Variants in USP37 observed in about 807,000 individuals in gnomAD.
USP37 encodes the protein ubiquitin carboxyl-terminal hydrolase 37.
USP37 carries 27 observed loss-of-function variants against 124.0 expected under a neutral mutation model. The observed-to-expected ratio is 0.22, with a 90% CI of 0.16 to 0.30. The LOEUF (loss-of-function observed/expected upper bound fraction) is 0.30, where lower values mean the gene tolerates loss of function less well. Ranked by LOEUF, USP37 falls within the 10% of genes least tolerant of loss-of-function variation. The probability of loss-of-function intolerance (pLI) is 1.00; values close to 1 mark genes in which losing one functional copy is unlikely to be tolerated. For synonymous variants in USP37, 365 were observed against 388.0 expected, an observed-to-expected ratio of 0.94 and a Z score of 0.70; for missense variants, 889 against 1,140.4, an observed-to-expected ratio of 0.78 and a Z score of 3.17.
intron 23 of USP37, among the ~76,000 whole-genome samples, chr2:218,458,890 G>A (rs565427579): frequency 2.6e-5 from 4 of 152,210 alleles, no homozygotes; most frequent in Admixed American, 2.6e-4. Context: ...AACACAGTGA[G>A]ACTCTGTCTC....
chr2:218,477,124 C>T, intron 18 of USP37, 143 bp from the exon 19 acceptor site: 1 of 994,324 alleles, frequency 1.0e-6, no homozygotes, highest in Non-Finnish European at 1.4e-6. Flanking sequence ...AGGTATATTT[C>T]AGCATTACCT....
At chr2:218,477,101 G>A (rs1574856433) in intron 18 of USP37, 120 bp from the exon 19 acceptor site, 2 of 1,192,358 alleles carry the variant, frequency 1.7e-6, no homozygotes, top group East Asian at 2.9e-5. Flanking sequence ...AGAAAAAAAA[G>A]ATATATCAAA....
intron 14 of USP37, among the ~76,000 whole-genome samples, chr2:218,491,926 G>A (rs1034393285): frequency 2.6e-5 from 4 of 152,156 alleles, no homozygotes; most frequent in African/African-American, 9.7e-5. Context: ...GGGGCCAGGT[G>A]TGGGGGCTAG....
rs71064454 is a variant in USP37 at position 218,526,785 on chromosome 2, C to CTTTTTTTT, written c.863+3163_863+3170dup. Among the ~76,000 whole-genome samples, 299 of 75,920 alleles carry CTTTTTTTT rather than the reference C, an allele frequency of 3.9e-3. 27 individuals are homozygous for CTTTTTTTT. The highest frequency in any genetic ancestry group is 0.011 in the African/African-American group (202 of 17,734). The allele number at this position is 75,920 out of a possible 152,430, so 49.8% of individuals were successfully genotyped here. Reference sequence around the variant, plus strand: ...AACGTAAGTTTCTTCATTTCATTTGCTTTTTTTTTTTTTTTTTTTTTGGGA... The same window carrying CTTTTTTTT: ...AACGTAAGTTTCTTCATTTCATTTGCTTTTTTTTTTTTTTTTTTTTTTTTTTTTTGGGA... On this transcript the variant is annotated intron_variant, in intron 10 of 25. Transcript: ENST00000258399.
At chr2:218,524,890 G>A (rs934299318) in intron 10 of USP37, among the ~76,000 whole-genome samples, 2 of 152,186 alleles carry the variant, frequency 1.3e-5, no homozygotes, top group Non-Finnish European at 2.9e-5. Context: ...GGTTACAGGC[G>A]TGAGCCACCA....
intron 1 of USP37, among the ~76,000 whole-genome samples, chr2:218,564,641 A>C (rs947198018): frequency 6.6e-6 from 1 of 152,088 alleles, no homozygotes; most frequent in African/African-American, 2.4e-5. Flanking sequence ...CTTTCTCCCT[A>C]AGGTGGGAGT....
intron 4 of USP37, 128 bp downstream of exon 4, chr2:218,558,370 T>C (rs1693139900): frequency 1.2e-6 from 1 of 833,096 alleles, no homozygotes; most frequent in East Asian, 2.6e-5. Flanking sequence ...AATATTAATG[T>C]CCTAGAAATA....
At chr2:218,493,154 A>C (rs1688885921) in intron 14 of USP37, among the ~76,000 whole-genome samples, 1 of 152,238 alleles carries the variant, frequency 6.6e-6, no homozygotes, top group Admixed American at 6.5e-5. Context: ...ACAAACCTAT[A>C]GCAAGATGGG....
chr2:218,458,962 A>C (rs2106405275), intron 23 of USP37, among the ~76,000 whole-genome samples: 1 of 152,176 alleles, frequency 6.6e-6, no homozygotes, highest in East Asian at 1.9e-4. Context: ...GTATACATGG[A>C]GGTGAGAATA....
chr2:218,463,184 AC>A (rs1690117032), intron 22 of USP37, 121 bp downstream of exon 22: 1 of 19,410 alleles, frequency 5.2e-5, no homozygotes, highest in African/African-American at 3.7e-4. Context: ...AAACACACAC[AC>A]ACACACACAC....
intron 18 of USP37, among the ~76,000 whole-genome samples, 200 bp downstream of exon 18, chr2:218,479,450 C>T (rs1005340477): frequency 1.3e-5 from 2 of 152,082 alleles, no homozygotes; most frequent in African/African-American, 4.8e-5. Flanking sequence ...ATGAGCTAAC[C>T]TTGTGTCACT....
chr2:218,513,326 CCA>C (rs1188497499), intron 10 of USP37, among the ~76,000 whole-genome samples: 1 of 151,976 alleles, frequency 6.6e-6, no homozygotes, highest in Non-Finnish European at 1.5e-5. Flanking sequence ...CCAACCATGC[CCA>C]GTCTAGAAAT....
chr2:218,504,866 C>T (rs924854134), intron 11 of USP37, among the ~76,000 whole-genome samples: 1 of 152,072 alleles, frequency 6.6e-6, no homozygotes. Flanking sequence ...GGATTACAGG[C>T]GTGAGCCATT....
Position 218,510,027 on chromosome 2 carries a change from T to C in USP37, c.977A>G (p.Asn326Ser). 1.2e-6 allele frequency: 2 copies of C among 1,608,516 alleles called. No homozygotes were observed. The highest frequency in any genetic ancestry group is 1.7e-6 in the Non-Finnish European group (2 of 1,176,410). The change falls in exon 11 of 26, where the codon AAT (asparagine) becomes AGT (serine). Residue 326 changes from asparagine (N) to serine (S), a missense_variant. Transcript: ENST00000258399. ...AGAGGAAAGGGGCACTCTTGGTTTA[T>C]TCCAGCCAGTGTAATCCTGGTTACA... ...LRCNQDYTGW[N>S]KPRVPLSSHQ... is the part of the protein sequence containing the mutation.
intron 21 of USP37, among the ~76,000 whole-genome samples, 162 bp from the exon 22 acceptor site, chr2:218,463,528 T>C (rs914195390): frequency 6.7e-6 from 1 of 148,442 alleles, no homozygotes; most frequent in Non-Finnish European, 1.5e-5. Context: ...GGAAGTTCTT[T>C]ACTTTTTTTT....
chr2:218,536,017 CAAAAAAAAAAAA>C (rs59248363), intron 8 of USP37, among the ~76,000 whole-genome samples: 6,405 of 81,332 alleles, frequency 0.079, 492 homozygotes, highest in African/African-American at 0.25. Flanking sequence ...GACTTCATCT[CAAAAAAAAAAAA>C]AAAAAAAAAA....
intron 8 of USP37, among the ~76,000 whole-genome samples, chr2:218,544,430 T>TATATAGAGAGAG (rs377397246): frequency 3.0e-4 from 15 of 50,816 alleles, no homozygotes; most frequent in African/African-American, 1.5e-3. Flanking sequence ...TATATATATA[T>TATATAGAGAGAG]AGAGAGAGAG....
Position 218,482,074 on chromosome 2 carries a change from C to A in USP37, c.1831G>T (p.Ala611Ser), listed in dbSNP as rs1691299947. The A allele has an allele frequency of 6.2e-7, 1 of 1,608,572 alleles. No individual in the cohort carries two copies. Among genetic ancestry groups the A allele is most frequent in the African/African-American group, 1.3e-5 (1 of 74,774 alleles). ...PFTLGWSAHM[A>S]ISRPLKASQM... ...CATAGTCTCTCAAGGACTTACATTG[C>A]CATATGTGCACTCCAACCAAGGGTA... is the stretch of plus-strand genomic sequence containing the variant. Residue 611 changes from alanine (A) to serine (S), a missense_variant, in exon 17 of 26, where the codon GCA becomes TCA. By Grantham distance (99) the Ala-to-Ser change is moderately conservative. Transcript: ENST00000258399.
intron 9 of USP37, 66 bp from the exon 10 acceptor site, chr2:218,530,106 T>TA: frequency 7.9e-7 from 1 of 1,272,974 alleles, no homozygotes; most frequent in Non-Finnish European, 1.1e-6. Flanking sequence ...CATTTAATAA[T>TA]AAAAGTATAC....
Sources: gnomAD v4.1 joint callset for allele counts (sites outside exome capture counted in the v4.1 genomes callset) on GRCh38, gnomAD v4.1.1 for gene constraint, MANE v1.5 for transcripts, NCBI Gene and HGNC (gene_info 2026-07-23, HGNC 2026-07-21) for gene names.